The following TENM2 variants were observed in gnomAD, a reference collection of about 807,000 sequenced individuals.
TENM2 encodes the protein teneurin-2.
A neutral mutation model predicts 245.2 loss-of-function variants in TENM2; 52 were observed. That is an observed-to-expected ratio of 0.21 (90% CI 0.17 to 0.27). The LOEUF (loss-of-function observed/expected upper bound fraction) is 0.27. Among genes scored for constraint, TENM2 ranks in the 10% least tolerant of loss-of-function variants. TENM2 has a pLI of 1.00. For synonymous variants in TENM2, 1,363 were observed against 1,438.9 expected (o/e 0.95, Z 1.19); for missense variants, 3,046 against 3,666.8 (o/e 0.83, Z 4.37).
the TENM2 span, among the ~76,000 whole-genome samples, chr5:167,179,887 A>G: frequency 6.6e-6 from 1 of 152,142 alleles, no homozygotes; most frequent in Admixed American, 6.6e-5. Context: ...TTAAAATAAT[A>G]AAGAAGAACT....
chr5:167,950,728 A>G (rs1369958058), intron 3 of TENM2, among the ~76,000 whole-genome samples: 1 of 152,144 alleles, frequency 6.6e-6, no homozygotes, highest in East Asian at 1.9e-4. Flanking sequence ...ACCTCTTTCC[A>G]CTAATATGAG....
intron 2 of TENM2, among the ~76,000 whole-genome samples, chr5:167,763,701 T>C (rs1271405614): frequency 1.3e-5 from 2 of 152,202 alleles, no homozygotes; most frequent in African/African-American, 4.8e-5. Context: ...TGCGCGCTTC[T>C]AACTTTTCAT....
At chr5:167,605,134 C>G (rs939223788) in intron 2 of TENM2, among the ~76,000 whole-genome samples, 1 of 152,108 alleles carries the variant, frequency 6.6e-6, no homozygotes, top group Non-Finnish European at 1.5e-5. Context: ...CTAAAACATA[C>G]TGAGCATTTT....
intron 21 of TENM2, among the ~76,000 whole-genome samples, 166 bp downstream of exon 23, chr5:168,215,438 G>T (rs1419336846): frequency 1.3e-5 from 2 of 152,142 alleles, no homozygotes; most frequent in Admixed American, 6.5e-5. Flanking sequence ...TGTTTAAAAA[G>T]AAAACCAGTC....
At chr5:167,975,074 C>A (rs2151947554) in intron 4 of TENM2, among the ~76,000 whole-genome samples, 1 of 152,360 alleles carries the variant, frequency 6.6e-6, no homozygotes. Flanking sequence ...AAAGCAAATG[C>A]CTGAAGGCGG....
intron 2 of TENM2, among the ~76,000 whole-genome samples, chr5:167,442,979 G>A (rs1019207276): frequency 4.6e-5 from 7 of 152,170 alleles, no homozygotes; most frequent in African/African-American, 1.7e-4. Context: ...ATACAGGAAA[G>A]AGTTGTTAAA....
chr5:167,277,551 C>T, the TENM2 span, among the ~76,000 whole-genome samples: 2 of 152,128 alleles, frequency 1.3e-5, no homozygotes, highest in African/African-American at 2.4e-5. Flanking sequence ...TTGATATACA[C>T]TCCATGGCCA....
chr5:167,364,589 G>A (rs1047905401), intron 1 of TENM2, among the ~76,000 whole-genome samples: 35 of 151,938 alleles, frequency 2.3e-4, no homozygotes, highest in Non-Finnish European at 1.2e-4. Context: ...CAACAGAAAA[G>A]TTGAAAGTAA....
rs1291679796 is a variant in TENM2, at chr5:167,375,166, T to G, written c.227-32T>G. ...TAACTTTGTAAAGCATCTCACAAAT[T>G]TTAATCAGCTTCTCTGTCACTGTCA... On this transcript the variant is annotated intron_variant, in intron 1 of 28. Transcript: ENST00000518659. 2.6e-6 allele frequency: 4 copies of G among 1,537,554 alleles called. No individual in the cohort carries two copies. The Admixed American group carries it at 8.7e-5, about 33-fold the overall frequency.
Position 167,963,002 on chromosome 5 carries a change from T to C in TENM2, c.947+10180T>C, listed in dbSNP as rs138300911. 7.2e-5 allele frequency among the ~76,000 whole-genome samples: 11 copies of C among 152,316 alleles called. No homozygotes were observed. In the East Asian group the frequency reaches 1.9e-3, roughly 27 times the overall value. ...TACTGGCAAGATACTGATTAAAACA[T>C]GTATTGTCCCATTAAAGATCGTCCA... On this transcript the variant is annotated intron_variant, in intron 4 of 28. Transcript: ENST00000518659.
chr5:167,500,722 G>C (rs1227439394), intron 2 of TENM2, among the ~76,000 whole-genome samples: 1 of 152,058 alleles, frequency 6.6e-6, no homozygotes, highest in African/African-American at 2.4e-5. Flanking sequence ...GAAGATGACA[G>C]GAACGTTCTG....
At chr5:167,557,714 A>G (rs573729732) in intron 2 of TENM2, among the ~76,000 whole-genome samples, 3 of 151,906 alleles carry the variant, frequency 2.0e-5, no homozygotes, top group Admixed American at 1.3e-4. Flanking sequence ...GACAATCTCT[A>G]GAGACATTCT....
At chr5:167,344,186 A>G (rs1240001277) in intron 1 of TENM2, among the ~76,000 whole-genome samples, 1 of 148,746 alleles carries the variant, frequency 6.7e-6, no homozygotes, top group Non-Finnish European at 1.5e-5. Context: ...AGTAGAGAAT[A>G]CACACACACA....
chr5:168,103,143 G>A (rs946770196), intron 9 of TENM2, among the ~76,000 whole-genome samples: 7 of 145,438 alleles, frequency 4.8e-5, no homozygotes, highest in African/African-American at 1.8e-4. Context: ...TTGGTTTTTT[G>A]TCCTTGCGAT....
the TENM2 span, among the ~76,000 whole-genome samples, chr5:167,082,993 T>C: frequency 1.3e-5 from 2 of 151,568 alleles, no homozygotes; most frequent in Non-Finnish European, 2.9e-5. Context: ...GGTTGGGAAA[T>C]ATTGCAGTAT....
At chr5:167,805,078 C>T (rs1766055103) in intron 2 of TENM2, among the ~76,000 whole-genome samples, 1 of 152,102 alleles carries the variant, frequency 6.6e-6, no homozygotes, top group Admixed American at 6.6e-5. Context: ...GGGAGACATC[C>T]TGACTTGGCT....
intron 9 of TENM2, among the ~76,000 whole-genome samples, chr5:168,100,823 A>G (rs1793749387): frequency 6.6e-6 from 1 of 151,868 alleles, no homozygotes; most frequent in Non-Finnish European, 1.5e-5. Flanking sequence ...TTATGGGTGC[A>G]GCAAACCAGA....
the TENM2 span, among the ~76,000 whole-genome samples, chr5:167,229,375 G>C: frequency 6.6e-6 from 1 of 152,320 alleles, no homozygotes; most frequent in African/African-American, 2.4e-5. Flanking sequence ...GCTTGCTCAG[G>C]TGACAGGAAT....
intron 2 of TENM2, among the ~76,000 whole-genome samples, chr5:167,873,786 C>T (rs936858102): frequency 6.6e-6 from 1 of 152,156 alleles, no homozygotes; most frequent in African/African-American, 2.4e-5. Flanking sequence ...TTTTCCAGAA[C>T]ACCCAGCAAG....
Sources: gnomAD v4.1 joint callset for allele counts (sites outside exome capture counted in the v4.1 genomes callset) on GRCh38, gnomAD v4.1.1 for gene constraint, MANE v1.5 for transcripts, NCBI Gene and HGNC (gene_info 2026-07-23, HGNC 2026-07-21) for gene names.